Variants in SNX29 observed in about 807,000 individuals in gnomAD.
The protein encoded by SNX29 is sorting nexin 29.
SNX29 carries 78 observed loss-of-function variants against 102.1 expected under a neutral mutation model. That is an observed-to-expected ratio of 0.76 (90% confidence interval 0.64 to 0.92). SNX29 has a LOEUF of 0.92. SNX29 is among the 40% of genes least tolerant of loss of function. The pLI, the probability that SNX29 is intolerant of heterozygous loss-of-function variation, is 0.00. For synonymous variants in SNX29, 580 were observed against 414.5 expected (o/e 1.40, Z -4.85); for missense variants, 1,280 against 1,061.7 (o/e 1.21, Z -2.86).
At chr16:12,555,013 C>T (rs1245912373) in intron 20 of SNX29, among the ~76,000 whole-genome samples, 1 of 151,904 alleles carries the variant, frequency 6.6e-6, no homozygotes, top group African/African-American at 2.4e-5. Flanking sequence ...CAGAGGCAGG[C>T]AGGAGTGTGC....
rs1328451677 is a variant in SNX29 at position 12,371,566 on chromosome 16, A to G, written c.1899+15287A>G. Among the ~76,000 whole-genome samples the G allele has an allele frequency of 3.9e-5, 6 of 152,260 alleles. No individual in the cohort carries two copies. In the East Asian group the frequency reaches 9.6e-4, roughly 24 times the overall value. ...CAAGCAATCCTGCCTCAGCCTCCCAAAGTGCTGGGATTATAGGCGTGAGCC... is the reference window on the plus strand; with the variant it reads ...CAAGCAATCCTGCCTCAGCCTCCCAGAGTGCTGGGATTATAGGCGTGAGCC... On this transcript the variant is annotated intron_variant, in intron 16 of 20. Transcript: ENST00000566228.
chr16:12,441,483 C>A (rs1016532961), intron 18 of SNX29, among the ~76,000 whole-genome samples: 1 of 152,128 alleles, frequency 6.6e-6, no homozygotes, highest in African/African-American at 2.4e-5. Context: ...TTGGGTTGTT[C>A]CCCATTTATG....
At chr16:12,370,615 C>T (rs778357000) in intron 16 of SNX29, among the ~76,000 whole-genome samples, 1 of 152,178 alleles carries the variant, frequency 6.6e-6, no homozygotes, top group Non-Finnish European at 1.5e-5. Context: ...CCATCAGTCA[C>T]GTAGGCACTT....
intron 3 of SNX29, among the ~76,000 whole-genome samples, chr16:12,004,204 G>A (rs1168937266): frequency 6.6e-6 from 1 of 151,726 alleles, no homozygotes; most frequent in African/African-American, 2.4e-5. Flanking sequence ...AGCCAGGCAC[G>A]GTGGCGGGTG....
At chr16:12,299,703 C>T (rs951947497) in intron 15 of SNX29, among the ~76,000 whole-genome samples, 1 of 151,936 alleles carries the variant, frequency 6.6e-6, no homozygotes, top group Non-Finnish European at 1.5e-5. Flanking sequence ...TCTTCCCTCC[C>T]TTTCCCCCAC....
At chr16:12,534,269 C>T (rs550588883) in intron 20 of SNX29, among the ~76,000 whole-genome samples, 1 of 152,374 alleles carries the variant, frequency 6.6e-6, no homozygotes, top group East Asian at 1.9e-4. Flanking sequence ...GCACCGCCGG[C>T]ACACCTGCCG....
intron 16 of SNX29, among the ~76,000 whole-genome samples, chr16:12,371,506 C>A (rs2082681721): frequency 6.6e-6 from 1 of 152,180 alleles, no homozygotes; most frequent in Non-Finnish European, 1.5e-5. Context: ...CAGGGTCTTT[C>A]TATGTTGCCC....
At chr16:12,191,980 A>C (rs1292668585) in intron 13 of SNX29, among the ~76,000 whole-genome samples, 1 of 152,160 alleles carries the variant, frequency 6.6e-6, no homozygotes, top group Non-Finnish European at 1.5e-5. Context: ...TTTTACATCT[A>C]GGGAAAGTAT....
chr16:12,315,639 C>T (rs2151153264), intron 15 of SNX29, among the ~76,000 whole-genome samples: 1 of 152,312 alleles, frequency 6.6e-6, no homozygotes, highest in African/African-American at 2.4e-5. Flanking sequence ...CGTGGAGTGG[C>T]CTCAGGAGAA....
At chr16:12,425,041 G>C (rs994092812) in intron 18 of SNX29, among the ~76,000 whole-genome samples, 1 of 152,208 alleles carries the variant, frequency 6.6e-6, no homozygotes, top group East Asian at 1.9e-4. Flanking sequence ...AGTATGGCTG[G>C]ATCTCATAAA....
At chr16:12,228,225 G>A (rs113877336) in intron 14 of SNX29, among the ~76,000 whole-genome samples, 5,923 of 152,338 alleles carry the variant, frequency 0.039, 417 homozygotes, top group African/African-American at 0.14. Flanking sequence ...CTCGGTCTCT[G>A]TAGAGAGATG....
chr16:12,336,712 A>G (rs1249355709), intron 15 of SNX29, among the ~76,000 whole-genome samples: 2 of 152,220 alleles, frequency 1.3e-5, no homozygotes, highest in African/African-American at 4.8e-5. Context: ...TGGGAGGCCG[A>G]AGCAGGAGGA....
chr16:12,223,942 C>T (rs567526497), intron 14 of SNX29, among the ~76,000 whole-genome samples: 12 of 152,184 alleles, frequency 7.9e-5, no homozygotes, highest in African/African-American at 1.2e-4. Context: ...AACGTAGCCT[C>T]GGAGGGGTTC....
In SNX29 at chr16:12,125,131, G is replaced by A. The variant is rs141556773; in HGVS notation, c.1403-1502G>A. On this transcript the variant is annotated intron_variant, in intron 11 of 20. Coordinates refer to ENST00000566228, the MANE Select transcript of SNX29 (RefSeq NM_032167.5). ...TTACCTGATCTGTGGAAATCACCCC[G>A]ATGTTACCTACCAGCTTTACTGCCC... Among the ~76,000 whole-genome samples the A allele has an allele frequency of 2.6e-3, 403 of 152,222 alleles. 1 individual carries two copies. Among genetic ancestry groups the A allele is most frequent in the South Asian group, 5.8e-3 (28 of 4,816 alleles).
At chr16:12,130,049 AG>A (rs2054390172) in intron 13 of SNX29, among the ~76,000 whole-genome samples, 1 of 151,712 alleles carries the variant, frequency 6.6e-6, no homozygotes, top group African/African-American at 2.4e-5. Context: ...GGTTGCAGTG[AG>A]CCGAAATCAC....
intron 1 of SNX29, among the ~76,000 whole-genome samples, chr16:11,986,374 TAAA>T (rs33924503): frequency 7.6e-6 from 1 of 131,086 alleles, no homozygotes. Context: ...TCCTACAACT[TAAA>T]AAAAAAAAAA....
intron 13 of SNX29, among the ~76,000 whole-genome samples, chr16:12,154,975 C>G (rs1331038871): frequency 6.6e-6 from 1 of 152,194 alleles, no homozygotes; most frequent in Non-Finnish European, 1.5e-5. Context: ...GGAGAGGACA[C>G]AAACATTGAG....
chr16:12,142,035 C>T (rs563121487), intron 13 of SNX29, among the ~76,000 whole-genome samples: 2 of 152,290 alleles, frequency 1.3e-5, no homozygotes, highest in Admixed American at 1.3e-4. Flanking sequence ...CCAGACTGTC[C>T]CCACGGCCCC....
intron 13 of SNX29, among the ~76,000 whole-genome samples, chr16:12,140,945 G>A (rs961226938): frequency 5.3e-5 from 8 of 152,106 alleles, no homozygotes; most frequent in Admixed American, 2.6e-4. Flanking sequence ...TAAAAAATCA[G>A]TATAACACTC....
Sources: allele counts gnomAD v4.1 joint callset (sites outside exome capture counted in the v4.1 genomes callset), GRCh38; gene constraint gnomAD v4.1.1; transcripts MANE v1.5; gene names NCBI Gene and HGNC (gene_info 2026-07-23, HGNC 2026-07-21).